The following E2F2 variants were observed in gnomAD, a reference collection of about 807,000 sequenced individuals.
E2F2 encodes the protein transcription factor E2F2.
A neutral mutation model predicts 42.2 loss-of-function variants in E2F2; 22 were observed. The ratio of observed to expected loss-of-function variants is 0.52; its 90% CI spans 0.37 to 0.74. The LOEUF (loss-of-function observed/expected upper bound fraction) is 0.74. Among genes scored for constraint, E2F2 ranks in the 30% least tolerant of loss-of-function variants. The probability of loss-of-function intolerance (pLI) is 0.00; values close to 1 mark genes in which losing one functional copy is unlikely to be tolerated. For missense variants in E2F2, 481 were observed against 557.8 expected (o/e 0.86, Z 1.39); for synonymous variants, 248 against 251.6 (o/e 0.99, Z 0.13).
In E2F2 at chr1:23,530,847, C is replaced by A; in HGVS notation, c.-54G>T. The A allele has an allele frequency of 7.0e-7, 1 of 1,426,056 alleles. No homozygotes were observed. The highest frequency in any genetic ancestry group is 9.2e-7 in the Non-Finnish European group (1 of 1,091,288). 88.3% of individuals were successfully genotyped at this position (1,426,056 alleles called of 1,614,324 possible). On this transcript the variant is annotated 5_prime_UTR_variant, in exon 1 of 7. Transcript: ENST00000361729. This position sits in a 1 kb window ranked among gnomAD's most constrained non-coding sequence, Gnocchi z 4.4. ...GGCTTGGCGCGCCCGCGGACACCTG[C>A]GGGTTCCGGTGCTGCCGCCTTTCAC...
chr1:23,508,064 T>C lies in E2F2; in HGVS notation c.*1816A>G, dbSNP rs1642836204. 6.6e-6 allele frequency: 1 copy of C among 152,192 alleles called. No homozygotes were observed. 9.4% of individuals were successfully genotyped at this position (152,192 alleles called of 1,614,324 possible). On this transcript the variant is annotated 3_prime_UTR_variant, in exon 7 of 7. Coordinates refer to ENST00000361729, the MANE Select transcript of E2F2 (RefSeq NM_004091.4). ...CGTCTGATAAGACCCTTGTGAGTAT[T>C]TGGGTAGGAGACCAAAAGCATTTCT... is the stretch of plus-strand genomic sequence containing the variant.
chr1:23,514,222 T>G (rs1642970430), intron 6 of E2F2, among the ~76,000 whole-genome samples: 1 of 151,984 alleles, frequency 6.6e-6, no homozygotes, highest in South Asian at 2.1e-4. Flanking sequence ...TGGTTCCAGC[T>G]TCGGAGGGCT....
At chr1:23,513,562 A>ATG (rs71023281) in intron 6 of E2F2, among the ~76,000 whole-genome samples, 16,940 of 134,862 alleles carry the variant, frequency 0.13, 1,138 homozygotes, top group Admixed American at 0.19. Context: ...AGCACGGAAC[A>ATG]TGTGTGTGTG....
chr1:23,523,155 A>T (rs1407034479), intron 2 of E2F2, among the ~76,000 whole-genome samples: 7 of 143,236 alleles, frequency 4.9e-5, no homozygotes, highest in Non-Finnish European at 3.0e-5. Flanking sequence ...TCTAACCAGG[A>T]TTTTTTTTTT....
chr1:23,521,483 T>C, intron 3 of E2F2: 1 of 944,856 alleles, frequency 1.1e-6, no homozygotes, highest in Non-Finnish European at 1.3e-6. Context: ...CCTACTTAGC[T>C]CCCAGGGGAC....
intron 1 of E2F2, among the ~76,000 whole-genome samples, chr1:23,527,977 C>G (rs1643278218): frequency 6.6e-6 from 1 of 152,164 alleles, no homozygotes. Flanking sequence ...AACCCCATCT[C>G]TACTAAAAAT....
At chr1:23,525,198 TC>T (rs1558255036) in intron 1 of E2F2, among the ~76,000 whole-genome samples, 4 of 88,644 alleles carry the variant, frequency 4.5e-5, no homozygotes, top group African/African-American at 1.3e-4. Context: ...ACCCCCCCCC[TC>T]CAGCTCCCCC....
chr1:23,520,704 T>C (rs1643123326), intron 4 of E2F2, among the ~76,000 whole-genome samples: 2 of 152,160 alleles, frequency 1.3e-5, no homozygotes, highest in Non-Finnish European at 2.9e-5. Flanking sequence ...GATCATGCCA[T>C]TGTACTACAG....
rs760442802 is a variant in E2F2 at position 23,522,086 on chromosome 1, C to T, written c.359-30G>A. On this transcript the variant is annotated intron_variant, in intron 2 of 6. Transcript: ENST00000361729. ...AGAAGAAAGGGACCCAGTCACAGCT[C>T]AGGGAGGGGAGGGCCCGCCCAGGAC... is the stretch of plus-strand genomic sequence containing the variant. 2.5e-6 allele frequency: 4 copies of T among 1,607,560 alleles called. No individual in the cohort carries two copies. In the South Asian group the frequency reaches 4.4e-5, roughly 18 times the overall value.
At chr1:23,505,333 A>T (rs1642777134), downstream of E2F2, among the ~76,000 whole-genome samples, 1 of 152,332 alleles carries the variant, frequency 6.6e-6, no homozygotes, top group Non-Finnish European at 1.5e-5. Context: ...TTTTAGAAAG[A>T]TCTTTCTGGG....
chr1:23,515,846 G>A (rs1235938430), intron 6 of E2F2, among the ~76,000 whole-genome samples: 5 of 152,072 alleles, frequency 3.3e-5, no homozygotes, highest in African/African-American at 9.7e-5. Context: ...GACTACAGGC[G>A]TGTGCCACCA....
intron 1 of E2F2, among the ~76,000 whole-genome samples, chr1:23,529,704 C>T (rs1643307187): frequency 1.3e-5 from 2 of 152,226 alleles, no homozygotes; most frequent in South Asian, 4.1e-4. Context: ...CAAGGACACA[C>T]AGAGAATTAG....
At chr1:23,522,449 A>G (rs1417202570) in intron 2 of E2F2, among the ~76,000 whole-genome samples, 1 of 152,224 alleles carries the variant, frequency 6.6e-6, no homozygotes, top group Non-Finnish European at 1.5e-5. Context: ...CCCATTTTAT[A>G]GATGAGAATA....
intron 5 of E2F2, among the ~76,000 whole-genome samples, chr1:23,517,900 TG>T (rs1643056829): frequency 1.3e-5 from 2 of 152,186 alleles, no homozygotes; most frequent in African/African-American, 4.8e-5. Flanking sequence ...CTAGGTGCGG[TG>T]GTTCACGCCT....
chr1:23,513,562 ATGTGTGTGTGTG>A lies in E2F2; in HGVS notation c.1045+2761_1045+2772del, dbSNP rs71023281. Among the ~76,000 whole-genome samples, 269 of 135,208 alleles carry A rather than the reference ATGTGTGTGTGTG, an allele frequency of 2.0e-3. 1 individual carries two copies. The highest frequency in any genetic ancestry group is 6.1e-3 in the East Asian group (27 of 4,442). 88.7% of individuals were successfully genotyped at this position (135,208 alleles called of 152,430 possible). ...ACTATTTCAGAACACAGCACGGAAC[ATGTGTGTGTGTG>A]TGTGTGTGTGTGTGTGTGTGTGTGT... is the stretch of plus-strand genomic sequence containing the variant. On this transcript the variant is annotated intron_variant, in intron 6 of 6. Transcript: ENST00000361729.
intron 4 of E2F2, 99 bp downstream of exon 4, chr1:23,520,814 G>T: frequency 7.9e-7 from 1 of 1,266,938 alleles, no homozygotes; most frequent in South Asian, 2.6e-5. Context: ...AGAAACAGAT[G>T]CCAGACCCTT....
At chr1:23,518,465 T>A (rs1384568773) in intron 5 of E2F2, among the ~76,000 whole-genome samples, 1 of 143,226 alleles carries the variant, frequency 7.0e-6, no homozygotes, top group Non-Finnish European at 1.5e-5. Context: ...AGTGAGACTC[T>A]GTCTCAAAAA....
chr1:23,529,964 G>A (rs987588816), intron 1 of E2F2, among the ~76,000 whole-genome samples: 1 of 152,226 alleles, frequency 6.6e-6, no homozygotes, highest in African/African-American at 2.4e-5. Context: ...CAAGGGGGCT[G>A]CCCACATTTG....
chr1:23,529,423 T>G (rs1643303007), intron 1 of E2F2, among the ~76,000 whole-genome samples: 1 of 152,196 alleles, frequency 6.6e-6, no homozygotes, highest in Non-Finnish European at 1.5e-5. Flanking sequence ...CATCCAGAGC[T>G]GGCTGGGCAT....
Sources: allele counts gnomAD v4.1 joint callset (sites outside exome capture counted in the v4.1 genomes callset), GRCh38; gene constraint gnomAD v4.1.1; non-coding constraint Gnocchi (gnomAD v3.1); transcripts MANE v1.5; gene names NCBI Gene and HGNC (gene_info 2026-07-23, HGNC 2026-07-21).